The following PID1 variants were observed in gnomAD, a reference collection of about 807,000 sequenced individuals.
PID1 encodes PTB-containing, cubilin and LRP1-interacting protein.
A neutral mutation model predicts 19.1 loss-of-function variants in PID1; 10 were observed. The observed-to-expected ratio is 0.52, with a 90% CI of 0.32 to 0.89. PID1 has a LOEUF of 0.89. Ranked by LOEUF, PID1 falls within the 40% of genes least tolerant of loss-of-function variation. The probability of loss-of-function intolerance (pLI) is 0.03; values close to 1 mark genes in which losing one functional copy is unlikely to be tolerated. For missense variants in PID1, 248 were observed against 285.3 expected (o/e 0.87, Z 0.94); for synonymous variants, 130 against 116.0 (o/e 1.12, Z -0.78).
chr2:229,253,845 T>C (rs1690218408), intron 1 of PID1, among the ~76,000 whole-genome samples: 1 of 152,138 alleles, frequency 6.6e-6, no homozygotes, highest in African/African-American at 2.4e-5. Flanking sequence ...TATCATTCAG[T>C]TCTATGGTTG....
At chr2:229,090,906 G>A (rs945111078) in intron 2 of PID1, among the ~76,000 whole-genome samples, 3 of 152,248 alleles carry the variant, frequency 2.0e-5, no homozygotes, top group Admixed American at 1.3e-4. Flanking sequence ...ACAGAGAACC[G>A]GGAACATTCA....
At chr2:229,076,928 G>A (rs56192920) in intron 2 of PID1, among the ~76,000 whole-genome samples, 93,475 of 152,116 alleles carry the variant, frequency 0.61, 28,973 homozygotes, top group Admixed American at 0.65. Context: ...GGATTGCTGG[G>A]TCAAATGGTA....
chr2:229,150,217 CAG>C (rs1472661995), intron 2 of PID1, among the ~76,000 whole-genome samples: 1 of 105,882 alleles, frequency 9.4e-6, no homozygotes, highest in African/African-American at 3.8e-5. Flanking sequence ...GCCTGGGAAA[CAG>C]AGTGAGACTC....
At chr2:229,110,093 G>C (rs1382847508) in intron 2 of PID1, among the ~76,000 whole-genome samples, 1 of 152,170 alleles carries the variant, frequency 6.6e-6, no homozygotes, top group Non-Finnish European at 1.5e-5. Flanking sequence ...CAGACCTAAA[G>C]ACGCTGTAAC....
At chr2:229,168,954 A>G (rs1460810596) in intron 1 of PID1, among the ~76,000 whole-genome samples, 1 of 152,162 alleles carries the variant, frequency 6.6e-6, no homozygotes, top group Admixed American at 6.5e-5. Flanking sequence ...GGTTTGCTTA[A>G]AAGTAATCAT....
intron 1 of PID1, among the ~76,000 whole-genome samples, chr2:229,255,793 G>A (rs1463571032): frequency 1.3e-5 from 2 of 152,136 alleles, no homozygotes. Flanking sequence ...TTAGAAAATA[G>A]GATAAGCCCC....
chr2:229,094,319 C>T (rs1308424182), intron 2 of PID1, among the ~76,000 whole-genome samples: 1 of 151,936 alleles, frequency 6.6e-6, no homozygotes, highest in Non-Finnish European at 1.5e-5. Context: ...GCCATCCATC[C>T]CATGGCCATG....
chr2:229,081,784 G>C (rs1694673720), intron 2 of PID1, among the ~76,000 whole-genome samples: 2 of 152,208 alleles, frequency 1.3e-5, no homozygotes, highest in Non-Finnish European at 2.9e-5. Context: ...AAAGTTAATA[G>C]TGTTTGCAGA....
At chr2:229,227,974 G>A (rs1574739949) in intron 1 of PID1, 2 of 456,004 alleles carry the variant, frequency 4.4e-6, no homozygotes, top group African/African-American at 2.0e-5. Context: ...TTGACTATCT[G>A]TAGATTTTGG....
Position 229,139,117 on chromosome 2 carries a change from GAAAGAAAGAAAGAAAGAAAGAA to G in PID1, c.177+16679_177+16700del, listed in dbSNP as rs1559251846. 1.1e-3 allele frequency among the ~76,000 whole-genome samples: 83 copies of G among 78,798 alleles called. 9 individuals carry two copies. Among genetic ancestry groups the G allele is most frequent in the African/African-American group, 3.8e-3 (78 of 20,656 alleles). The allele number at this position is 78,798 out of a possible 152,430, so 51.7% of individuals were successfully genotyped here. A position where few individuals can be genotyped will look rare whatever the true frequency, so the allele number is the denominator to read the frequency against. ...AAAGAAAGAAAGAAAGAAAGAAAGA[GAAAGAAAGAAAGAAAGAAAGAA>G]AGAAAGAAAGCAAGCGAGCGAGCAA... On this transcript the variant is annotated intron_variant, in intron 2 of 2. Coordinates refer to ENST00000392055, the MANE Select transcript of PID1 (RefSeq NM_001100818.2).
chr2:229,214,185 G>A (rs965183729), intron 1 of PID1, among the ~76,000 whole-genome samples: 2 of 152,158 alleles, frequency 1.3e-5, no homozygotes, highest in African/African-American at 4.8e-5. Flanking sequence ...CAGTAGTCCT[G>A]TTTTACAGTG....
intron 1 of PID1, among the ~76,000 whole-genome samples, chr2:229,167,017 AAAGG>A (rs1690612229): frequency 1.3e-5 from 2 of 151,672 alleles, no homozygotes; most frequent in African/African-American, 4.8e-5. Context: ...AAAGGAAAGG[AAAGG>A]AAGGGAGAGA....
intron 2 of PID1, among the ~76,000 whole-genome samples, chr2:229,103,438 G>T (rs1206120046): frequency 6.6e-6 from 1 of 152,186 alleles, no homozygotes; most frequent in Non-Finnish European, 1.5e-5. Flanking sequence ...CCCTAGCAAA[G>T]AGCCCTCTCA....
chr2:229,252,675 CCT>C (rs1406574083), intron 1 of PID1, among the ~76,000 whole-genome samples: 1 of 152,138 alleles, frequency 6.6e-6, no homozygotes, highest in Admixed American at 6.6e-5. Flanking sequence ...CCAGAAAACC[CCT>C]GAGCTGTATC....
At chr2:229,059,607 T>A (rs1694170489) in intron 2 of PID1, among the ~76,000 whole-genome samples, 1 of 152,200 alleles carries the variant, frequency 6.6e-6, no homozygotes, top group Admixed American at 6.5e-5. Context: ...TCCACCCAGC[T>A]ATGATACAGG....
intron 2 of PID1, among the ~76,000 whole-genome samples, chr2:229,104,958 C>CA (rs1382639352): frequency 6.6e-6 from 1 of 152,204 alleles, no homozygotes; most frequent in African/African-American, 2.4e-5. Context: ...CAGACAGACA[C>CA]AGACACAAAT....
At chr2:229,139,057 G>GAAAGAAAGAGAAAGAAAGAAAGAA (rs1553565723) in intron 2 of PID1, among the ~76,000 whole-genome samples, 1 of 45,566 alleles carries the variant, frequency 2.2e-5, no homozygotes, top group Non-Finnish European at 4.4e-5. Flanking sequence ...AAGAAAGAAA[G>GAAAGAAAGAGAAAGAAAGAAAGAA]AGAAAGAAAG....
At chr2:229,212,221 T>C (rs1291823756) in intron 1 of PID1, among the ~76,000 whole-genome samples, 3 of 152,204 alleles carry the variant, frequency 2.0e-5, no homozygotes, top group Admixed American at 2.0e-4. Context: ...TAAAATACAA[T>C]TTTCCTCAAC....
intron 2 of PID1, among the ~76,000 whole-genome samples, chr2:229,074,096 GA>G (rs1429488615): frequency 2.6e-5 from 4 of 152,176 alleles, no homozygotes; most frequent in Non-Finnish European, 5.9e-5. Flanking sequence ...CAAACTGTCA[GA>G]TTTACATTTA....
Sources: allele counts gnomAD v4.1 joint callset (sites outside exome capture counted in the v4.1 genomes callset), GRCh38; gene constraint gnomAD v4.1.1; transcripts MANE v1.5; gene names NCBI Gene and HGNC (gene_info 2026-07-23, HGNC 2026-07-21).